The following GAA variants were observed in gnomAD, a reference collection of about 807,000 sequenced individuals.
The protein encoded by GAA is alpha glucosidase.
GAA carries 88 observed loss-of-function variants against 103.9 expected under a neutral mutation model. That is an observed-to-expected ratio of 0.85 (90% CI 0.71 to 1.01). The LOEUF is 1.01. Ranked by LOEUF, GAA falls within the 50% of genes least tolerant of loss-of-function variation. The pLI is 0.00. For synonymous variants in GAA, 572 were observed against 563.1 expected (o/e 1.02, Z -0.22); for missense variants, 1,350 against 1,305.3 (o/e 1.03, Z -0.53).
chr17:80,107,743 C>T (rs769332061), intron 4 of GAA, 21 bp downstream of exon 4: 47 of 1,610,214 alleles, frequency 2.9e-5, no homozygotes, highest in Admixed American at 8.3e-5. Flanking sequence ...GGGCGGCGGG[C>T]GGGGGCACTG....
intron 2 of GAA, 123 bp from the exon 3 acceptor site, chr17:80,105,626 G>A (rs886142770): frequency 1.7e-6 from 2 of 1,184,578 alleles, no homozygotes; most frequent in Admixed American, 3.6e-5. Flanking sequence ...GGCTGAATGT[G>A]CTGCCCATGG....
In GAA at chr17:80,114,096, A is replaced by G. The variant is rs1259334882; in HGVS notation, c.2189+730A>G. The stretch of plus-strand genomic sequence containing the variant: ...GGAAAGGTTTCATTTAGAGAAAAAA[A>G]AAAAAAAAAGGTGAACTTTATTTGA... On this transcript the variant is annotated intron_variant, in intron 15 of 19. Coordinates refer to ENST00000302262, the MANE Select transcript of GAA (RefSeq NM_000152.5). 4.6e-5 allele frequency among the ~76,000 whole-genome samples: 7 copies of G among 151,908 alleles called. No individual in the cohort carries two copies. The South Asian group carries it at 6.3e-4, about 14-fold the overall frequency.
intron 15 of GAA, among the ~76,000 whole-genome samples, chr17:80,114,137 A>T (rs1463527029): frequency 2.6e-5 from 4 of 152,198 alleles, no homozygotes; most frequent in African/African-American, 9.6e-5. Context: ...GCAGAAAAAA[A>T]AATGTAAATC....
intron 5 of GAA, 33 bp downstream of exon 5, chr17:80,107,929 G>C: frequency 1.3e-6 from 2 of 1,566,516 alleles, no homozygotes; most frequent in Non-Finnish European, 1.7e-6. Flanking sequence ...CCCGGGCCGG[G>C]GTCTCCTCCG....
At chr17:80,111,086 C>G in intron 11 of GAA, 61 bp downstream of exon 11, 1 of 1,505,398 alleles carries the variant, frequency 6.6e-7, no homozygotes, top group Non-Finnish European at 9.1e-7. Flanking sequence ...CTTGTCTGGC[C>G]TGGGAGACTT....
At chr17:80,113,403 C>T (rs1316809447) in intron 15 of GAA, 37 bp downstream of exon 15, 6 of 1,503,974 alleles carry the variant, frequency 4.0e-6, no homozygotes, top group South Asian at 1.3e-5. Flanking sequence ...CCCATGTGTG[C>T]CCTGGGGGAG....
chr17:80,116,954 C>T lies in GAA; in HGVS notation c.2190-14C>T. ...TTCATCACCCGTATGCCTGTGTGCCCATCCCCCTTGCAGGTTCCCCAAGGA... is the reference window on the plus strand; with the variant it reads ...TTCATCACCCGTATGCCTGTGTGCCTATCCCCCTTGCAGGTTCCCCAAGGA... On this transcript the variant is annotated splice_polypyrimidine_tract_variant and intron_variant, in intron 15 of 19. Coordinates refer to ENST00000302262, the MANE Select transcript of GAA (RefSeq NM_000152.5). 6.2e-7 allele frequency: 1 copy of T among 1,613,628 alleles called. No individual in the cohort carries two copies. The highest frequency in any genetic ancestry group is 8.5e-7 in the Non-Finnish European group (1 of 1,179,986).
At position 80,105,865 on chromosome 17, in the gene GAA, C is replaced by T. The variant is rs142878958; in HGVS notation, c.663C>T (p.Ile221=). Residue 221 remains isoleucine (I), a synonymous_variant, in exon 3 of 20, where the codon ATC becomes ATT. Transcript: ENST00000302262. ...TCTCCGAGGAGCCCTTCGGGGTGAT[C>T]GTGCGCCGGCAGCTGGACGGCCGCG... The part of the protein sequence containing the change: ...VEFSEEPFGV[I]VRRQLDGRVL... 129 of 1,603,826 alleles carry T rather than the reference C, an allele frequency of 8.0e-5. No homozygotes were observed. The highest frequency in any genetic ancestry group is 1.8e-4 in the Middle Eastern group (1 of 5,678).
At position 80,107,462 on chromosome 17, in the gene GAA, C is replaced by T; in HGVS notation, c.693-95C>T. 4 of 1,552,802 alleles carry T rather than the reference C, an allele frequency of 2.6e-6. No individual in the cohort carries two copies. In the South Asian group the frequency reaches 4.5e-5, roughly 17 times the overall value. ...AGGGCTGGCCAGGCCACTCCGCCCTCCCAGGGCACCAGGGCCCGGGGGTGC... is the reference window on the plus strand; with the variant it reads ...AGGGCTGGCCAGGCCACTCCGCCCTTCCAGGGCACCAGGGCCCGGGGGTGC... On this transcript the variant is annotated intron_variant, in intron 3 of 19. Coordinates refer to ENST00000302262, the MANE Select transcript of GAA (RefSeq NM_000152.5).
chr17:80,104,653 A>C lies in GAA; in HGVS notation c.67A>C (p.Thr23Pro). The change falls in exon 2 of 20, where the codon ACC (threonine) becomes CCC (proline). Residue 23 changes from threonine to proline, a missense_variant. Physicochemically the swap from Thr to Pro is conservative, Grantham distance 38. Coordinates refer to ENST00000302262, the MANE Select transcript of GAA (RefSeq NM_000152.5). The surrounding 1 kb of genome is among the most constrained non-coding windows in gnomAD (Gnocchi z 4.0). Reference protein sequence around the residue: ...LAVCALVSLATAALLGHILLH... With the variant: ...LAVCALVSLAPAALLGHILLH... The stretch of plus-strand genomic sequence containing the variant: ...CGTCTGCGCCCTCGTGTCCTTGGCA[A>C]CCGCTGCACTCCTGGGGCACATCCT... 2 of 1,613,226 alleles carry C rather than the reference A, an allele frequency of 1.2e-6. No homozygotes were observed. Among genetic ancestry groups the C allele is most frequent in the Non-Finnish European group, 1.7e-6 (2 of 1,179,968 alleles).
chr17:80,103,450 TAC>T (rs968651242), intron 1 of GAA, among the ~76,000 whole-genome samples: 1 of 152,276 alleles, frequency 6.6e-6, no homozygotes, highest in South Asian at 2.1e-4. Context: ...CATGGTGTAT[TAC>T]ACACACCAAA....
At chr17:80,115,340 G>A (rs1271908631) in intron 15 of GAA, among the ~76,000 whole-genome samples, 1 of 152,002 alleles carries the variant, frequency 6.6e-6, no homozygotes, top group African/African-American at 2.4e-5. Context: ...TTTTCCACCA[G>A]TTCTCATCTG....
At chr17:80,112,124 T>G in intron 12 of GAA, 24 bp downstream of exon 12, 2 of 1,596,510 alleles carry the variant, frequency 1.3e-6, no homozygotes, top group Non-Finnish European at 1.7e-6. Context: ...CCCGCCCCAC[T>G]GGGCTCTGCC....
At chr17:80,117,561 G>A (rs561151832) in intron 16 of GAA, 39 bp from the exon 17 acceptor site, 75 of 1,612,154 alleles carry the variant, frequency 4.7e-5, no homozygotes, top group East Asian at 1.6e-4. Flanking sequence ...TGGGGGCCTC[G>A]GCACGGCCCA....
At chr17:80,118,422 G>C in intron 18 of GAA, 65 bp downstream of exon 18, 2 of 1,551,190 alleles carry the variant, frequency 1.3e-6, no homozygotes, top group Non-Finnish European at 1.7e-6. Context: ...GGGGTGAGGG[G>C]ACCTGGGCTT....
intron 15 of GAA, among the ~76,000 whole-genome samples, chr17:80,116,100 C>G (rs567978139): frequency 2.5e-4 from 38 of 152,300 alleles, no homozygotes; most frequent in Admixed American, 5.2e-4. Flanking sequence ...GCTTACTCCA[C>G]CATCTTCACT....
chr17:80,118,200 G>A lies in GAA; in HGVS notation c.2489G>A (p.Gly830Asp). 1 of 1,613,064 alleles carries A rather than the reference G, an allele frequency of 6.2e-7. No individual in the cohort carries two copies. The highest frequency in any genetic ancestry group is 8.5e-7 in the Non-Finnish European group (1 of 1,179,858). Residue 830 changes from glycine (G) to aspartate (D), a missense_variant, in exon 18 of 20, where the codon GGC becomes GAC. Physicochemically the swap from Gly to Asp is moderately conservative, Grantham distance 94. Coordinates refer to ENST00000302262, the MANE Select transcript of GAA (RefSeq NM_000152.5). ...AGYIIPLQGP[G>D]LTTTESRQQP... ...GTGTCCTTCCCTTTCCAGGGCCCTG[G>A]CCTCACAACCACAGAGTCCCGCCAG... is the stretch of plus-strand genomic sequence containing the variant.
Position 80,113,276 on chromosome 17 carries a change from C to A in GAA, c.2099C>A (p.Thr700Asn). The change falls in exon 15 of 20, where the codon ACC becomes AAC. Residue 700 changes from threonine to asparagine, a missense_variant. Physicochemically the swap from Thr to Asn is moderately conservative, Grantham distance 65. Coordinates refer to ENST00000302262, the MANE Select transcript of GAA (RefSeq NM_000152.5). The stretch of plus-strand genomic sequence containing the variant: ...CAGCAGGCCATGAGGAAGGCCCTCA[C>A]CCTGCGCTACGCACTCCTCCCCCAC... ...PAQQAMRKAL[T>N]LRYALLPHLY... 6.2e-7 allele frequency: 1 copy of A among 1,601,088 alleles called. No individual in the cohort carries two copies. The highest frequency in any genetic ancestry group is 2.3e-5 in the East Asian group (1 of 44,236).
Position 80,107,662 on chromosome 17 carries a change from CCTG to C in GAA, c.799_801del (p.Leu267del), listed in dbSNP as rs2039120156. On this transcript the variant is annotated inframe_deletion, in exon 4 of 20. Coordinates refer to ENST00000302262, the MANE Select transcript of GAA (RefSeq NM_000152.5). ...CAGGCCTCGCCGAGCACCTCAGTCC[CCTG>C]ATGCTCAGCACCAGCTGGACCAGGA... is the stretch of plus-strand genomic sequence containing the variant. 5 of 1,612,996 alleles carry C rather than the reference CCTG, an allele frequency of 3.1e-6. No homozygotes were observed. Among genetic ancestry groups the C allele is most frequent in the African/African-American group, 2.7e-5 (2 of 74,928 alleles).
Sources: gnomAD v4.1 joint callset for allele counts (sites outside exome capture counted in the v4.1 genomes callset) on GRCh38, gnomAD v4.1.1 for gene constraint, Gnocchi (gnomAD v3.1) non-coding constraint, MANE v1.5 for transcripts, NCBI Gene and HGNC (gene_info 2026-07-23, HGNC 2026-07-21) for gene names.